The following PCDH15 variants were observed in gnomAD, a reference collection of about 807,000 sequenced individuals.
PCDH15 encodes protocadherin related 15.
Under a neutral mutation model 178.5 loss-of-function variants are expected in PCDH15, and 129 were observed. The observed-to-expected ratio is 0.72, with a 90% CI of 0.63 to 0.84. PCDH15 has a LOEUF of 0.84. Among genes scored for constraint, PCDH15 ranks in the 40% least tolerant of loss-of-function variants. The pLI is 0.00. For synonymous variants in PCDH15, 800 were observed against 732.0 expected (o/e 1.09, Z -1.50); for missense variants, 2,230 against 2,099.9 (o/e 1.06, Z -1.21).
At chr10:54,130,518 C>T (rs566506210) in intron 15 of PCDH15, among the ~76,000 whole-genome samples, 64 of 152,244 alleles carry the variant, frequency 4.2e-4, no homozygotes, top group South Asian at 1.5e-3. Context: ...CAAGTGAATG[C>T]CATCAATACA....
chr10:54,315,956 T>C (rs12267834), intron 8 of PCDH15, among the ~76,000 whole-genome samples: 7,314 of 132,900 alleles, frequency 0.055, 555 homozygotes, highest in African/African-American at 0.19. Context: ...TTGTTTGTTT[T>C]TGTTTTTGTT....
chr10:54,979,119 G>A (rs531545933), intron 2 of PCDH15, among the ~76,000 whole-genome samples: 1 of 152,138 alleles, frequency 6.6e-6, no homozygotes, highest in Non-Finnish European at 1.5e-5. Context: ...GTAAAGAACA[G>A]AGTGATATGG....
chr10:54,457,273 C>A (rs898876847), intron 3 of PCDH15, among the ~76,000 whole-genome samples: 1 of 152,094 alleles, frequency 6.6e-6, no homozygotes, highest in Non-Finnish European at 1.5e-5. Flanking sequence ...CAGCCCTCCT[C>A]AAAAATGTAT....
chr10:55,125,955 C>T (rs530648059), intron 2 of PCDH15, among the ~76,000 whole-genome samples: 5 of 152,088 alleles, frequency 3.3e-5, no homozygotes, highest in Non-Finnish European at 7.4e-5. Context: ...TGACCCAAGT[C>T]TCAATGCATA....
chr10:55,111,107 A>G (rs1468311662), intron 2 of PCDH15, among the ~76,000 whole-genome samples: 1 of 152,190 alleles, frequency 6.6e-6, no homozygotes, highest in Non-Finnish European at 1.5e-5. Context: ...CTTTATAAGG[A>G]GCAACATTTG....
At chr10:55,369,551 A>G (rs1291615538) in intron 2 of PCDH15, among the ~76,000 whole-genome samples, 1 of 152,114 alleles carries the variant, frequency 6.6e-6, no homozygotes, top group Non-Finnish European at 1.5e-5. Context: ...AATTAAATGC[A>G]CCAGACTATA....
intron 2 of PCDH15, among the ~76,000 whole-genome samples, chr10:54,557,389 A>G (rs2133295107): frequency 6.6e-6 from 1 of 152,310 alleles, no homozygotes; most frequent in African/African-American, 2.4e-5. Flanking sequence ...GGTGCCTAAT[A>G]TTACTCATGG....
chr10:54,799,958 ATTAT>A (rs779833788), intron 1 of PCDH15, among the ~76,000 whole-genome samples: 42 of 152,124 alleles, frequency 2.8e-4, no homozygotes, highest in South Asian at 6.2e-4. Context: ...TCTTTTACAG[ATTAT>A]TTGTTTCTCT....
chr10:54,141,113 T>C (rs1231899657), intron 14 of PCDH15, among the ~76,000 whole-genome samples: 3 of 150,748 alleles, frequency 2.0e-5, no homozygotes, highest in Non-Finnish European at 4.4e-5. Context: ...TGTATACATA[T>C]ATATAATATA....
At chr10:54,767,808 A>T (rs967209958) in intron 1 of PCDH15, among the ~76,000 whole-genome samples, 5 of 152,154 alleles carry the variant, frequency 3.3e-5, no homozygotes, top group African/African-American at 1.2e-4. Context: ...GTCATCAAAA[A>T]CAAAGTCCAA....
intron 2 of PCDH15, among the ~76,000 whole-genome samples, chr10:54,602,938 G>A (rs772850140): frequency 6.1e-5 from 9 of 148,094 alleles, no homozygotes; most frequent in Non-Finnish European, 1.0e-4. Flanking sequence ...TTTTCTTGTG[G>A]ATGTCTTTGG....
intron 3 of PCDH15, among the ~76,000 whole-genome samples, chr10:54,820,816 A>G (rs1437176466): frequency 6.6e-6 from 1 of 152,034 alleles, no homozygotes. Context: ...TCCAGCCACC[A>G]CCATTAATGA....
At chr10:54,716,048 T>C (rs940601799) in intron 1 of PCDH15, among the ~76,000 whole-genome samples, 1 of 152,172 alleles carries the variant, frequency 6.6e-6, no homozygotes. Flanking sequence ...CAGAAGTTTC[T>C]AGAATTCATG....
chr10:54,505,014 G>T (rs2081047939), intron 3 of PCDH15, among the ~76,000 whole-genome samples: 1 of 152,082 alleles, frequency 6.6e-6, no homozygotes, highest in East Asian at 1.9e-4. Flanking sequence ...TCGGTTCTGA[G>T]ATCACAGAAA....
intron 9 of PCDH15, among the ~76,000 whole-genome samples, chr10:54,228,278 G>A (rs1434130608): frequency 6.6e-6 from 1 of 152,100 alleles, no homozygotes; most frequent in Non-Finnish European, 1.5e-5. Context: ...GCAAGGAGGA[G>A]CAACCCACAT....
At chr10:54,301,928 G>A (rs1021379692) in intron 8 of PCDH15, among the ~76,000 whole-genome samples, 1 of 152,052 alleles carries the variant, frequency 6.6e-6, no homozygotes, top group Non-Finnish European at 1.5e-5. Context: ...TCCCTTACAA[G>A]TCAACAAAGA....
rs557033221 is a variant in PCDH15 at position 55,449,673 on chromosome 10, CT to C, written c.-156+177951del. ...AAATTGTATAGATTTTTATATTAAT[CT>C]TAAAGACCTGAGATACCTATTAGGA... On this transcript the variant is annotated intron_variant, in intron 2 of 5. Coordinates refer to the PCDH15 transcript ENST00000613346. Among the ~76,000 whole-genome samples, 6 of 152,132 alleles carry C rather than the reference CT, an allele frequency of 3.9e-5. No individual in the cohort carries two copies. The South Asian group carries it at 1.2e-3, about 32-fold the overall frequency.
chr10:54,773,272 TC>T (rs1269977727), intron 1 of PCDH15, among the ~76,000 whole-genome samples: 6 of 152,172 alleles, frequency 3.9e-5, no homozygotes, highest in African/African-American at 1.4e-4. Context: ...CTTTTTTTTT[TC>T]TTAGAGGGAG....
intron 3 of PCDH15, among the ~76,000 whole-genome samples, chr10:54,443,206 A>G (rs1210637864): frequency 6.6e-6 from 1 of 151,640 alleles, no homozygotes; most frequent in Non-Finnish European, 1.5e-5. Context: ...TATGTACACC[A>G]TCTAATCATG....
Sources: gnomAD v4.1 joint callset for allele counts (sites outside exome capture counted in the v4.1 genomes callset) on GRCh38, gnomAD v4.1.1 for gene constraint, MANE v1.5 for transcripts, NCBI Gene and HGNC (gene_info 2026-07-23, HGNC 2026-07-21) for gene names.